Variants in DOCK4 observed in about 807,000 individuals in gnomAD.
DOCK4 encodes the protein dedicator of cytokinesis 4, also known as dedicator of cytokinesis protein 4.
A neutral mutation model predicts 268.1 loss-of-function variants in DOCK4; 97 were observed. The observed-to-expected ratio is 0.36, with a 90% confidence interval of 0.31 to 0.43. The LOEUF is 0.43. Among genes scored for constraint, DOCK4 ranks in the 20% least tolerant of loss-of-function variants. The pLI is 1.00. For synonymous variants in DOCK4, 954 were observed against 887.2 expected (o/e 1.08, Z -1.34); for missense variants, 2,145 against 2,455.7 (o/e 0.87, Z 2.67).
chr7:112,094,818 T>C (rs897316751), intron 1 of DOCK4, among the ~76,000 whole-genome samples: 1 of 152,110 alleles, frequency 6.6e-6, no homozygotes. Flanking sequence ...ATGATAGATA[T>C]GGTCGTTTAA....
At chr7:112,118,185 C>A (rs939405521) in intron 1 of DOCK4, among the ~76,000 whole-genome samples, 1 of 151,268 alleles carries the variant, frequency 6.6e-6, no homozygotes, top group Non-Finnish European at 1.5e-5. Context: ...CCTCTTGAGA[C>A]CTTTTATAAA....
chr7:112,044,264 C>T, intron 1 of DOCK4, among the ~76,000 whole-genome samples: 1 of 152,140 alleles, frequency 6.6e-6, no homozygotes, highest in East Asian at 1.9e-4. Flanking sequence ...CCCCCCATTT[C>T]TGAACTATAT....
chr7:111,925,892 C>A (rs1716987278), intron 12 of DOCK4, among the ~76,000 whole-genome samples: 1 of 151,812 alleles, frequency 6.6e-6, no homozygotes, highest in Non-Finnish European at 1.5e-5. Context: ...TCGAGACTAT[C>A]CTGGCCAACA....
chr7:111,936,968 C>T (rs1281277348), intron 11 of DOCK4, among the ~76,000 whole-genome samples: 1 of 152,180 alleles, frequency 6.6e-6, no homozygotes, highest in Non-Finnish European at 1.5e-5. Flanking sequence ...AGTTGTAAGA[C>T]ACCAAACTGC....
intron 12 of DOCK4, 38 bp from the exon 13 acceptor site, chr7:111,915,942 T>C (rs767831164): frequency 6.3e-7 from 1 of 1,587,870 alleles, no homozygotes; most frequent in Non-Finnish European, 8.6e-7. Context: ...AAAAACAGAA[T>C]AGAAATAGAA....
chr7:111,912,040 C>T (rs559589645), intron 13 of DOCK4, among the ~76,000 whole-genome samples: 1 of 152,304 alleles, frequency 6.6e-6, no homozygotes, highest in East Asian at 1.9e-4. Flanking sequence ...TAGGTCAGGT[C>T]ATCTGAGGAA....
intron 13 of DOCK4, among the ~76,000 whole-genome samples, chr7:111,912,322 T>G (rs867083583): frequency 6.6e-6 from 1 of 152,162 alleles, no homozygotes; most frequent in South Asian, 2.1e-4. Context: ...GTTTTTCCCT[T>G]TTCTTGGTTG....
chr7:112,053,002 A>C (rs76736678), intron 1 of DOCK4, among the ~76,000 whole-genome samples: 4,820 of 152,260 alleles, frequency 0.032, 276 homozygotes, highest in African/African-American at 0.11. Context: ...CAAGTGGAAA[A>C]CCAGTTAAAT....
intron 1 of DOCK4, among the ~76,000 whole-genome samples, chr7:112,049,290 T>C (rs1009850108): frequency 2.0e-5 from 3 of 152,186 alleles, no homozygotes; most frequent in Non-Finnish European, 4.4e-5. Flanking sequence ...TGTAATCTTG[T>C]TATGCTACAT....
Position 111,989,055 on chromosome 7 carries a change from C to A in DOCK4, c.424G>T (p.Val142Leu). The change falls in exon 6 of 53, where the codon GTG becomes TTG. Residue 142 changes from valine (V) to leucine (L), a missense_variant. Physicochemically the swap from Val to Leu is conservative, Grantham distance 32 (BLOSUM62 1). Transcript: ENST00000428084. ...GHLTHDRMKD[V>L]KRHITARLDW... is the part of the protein sequence containing the mutation. Reference sequence around the variant, plus strand: ...AGCCGGGCAGTAATGTGGCGCTTCACGTCCTTCATCCGGTCGTGGGTGAGG... The same window carrying A: ...AGCCGGGCAGTAATGTGGCGCTTCAAGTCCTTCATCCGGTCGTGGGTGAGG... 2 of 1,613,868 alleles carry A rather than the reference C, an allele frequency of 1.2e-6. No homozygotes were observed. The highest frequency in any genetic ancestry group is 1.7e-6 in the Non-Finnish European group (2 of 1,179,822).
intron 1 of DOCK4, among the ~76,000 whole-genome samples, chr7:112,180,265 C>T (rs556993823): frequency 6.6e-6 from 1 of 152,240 alleles, no homozygotes; most frequent in South Asian, 2.1e-4. Flanking sequence ...CAAAACGACT[C>T]TGGAGAACCT....
At chr7:111,818,465 G>A (rs1801726775) in intron 27 of DOCK4, among the ~76,000 whole-genome samples, 1 of 152,248 alleles carries the variant, frequency 6.6e-6, no homozygotes, top group Middle Eastern at 3.4e-3. Flanking sequence ...CTTAGGCCAA[G>A]CATCTAAGGA....
chr7:112,128,622 C>T (rs1813493339), intron 1 of DOCK4, among the ~76,000 whole-genome samples: 1 of 152,280 alleles, frequency 6.6e-6, no homozygotes, highest in African/African-American at 2.4e-5. Flanking sequence ...TACCCCCAAC[C>T]CTGTGCTCTC....
chr7:111,892,359 C>G (rs541990375), intron 16 of DOCK4, among the ~76,000 whole-genome samples: 4 of 152,292 alleles, frequency 2.6e-5, no homozygotes, highest in African/African-American at 9.6e-5. Flanking sequence ...CATGACCACG[C>G]TGGACTAACT....
intron 1 of DOCK4, among the ~76,000 whole-genome samples, chr7:112,041,232 C>G (rs1804328506): frequency 6.6e-6 from 1 of 152,068 alleles, no homozygotes; most frequent in Non-Finnish European, 1.5e-5. Context: ...AGAGGTGAGA[C>G]CCTGAGGTGT....
chr7:111,964,072 AAG>A (rs1389191519), intron 8 of DOCK4, among the ~76,000 whole-genome samples: 1 of 145,768 alleles, frequency 6.9e-6, no homozygotes, highest in Non-Finnish European at 1.5e-5. Flanking sequence ...ACCATCATCA[AAG>A]ACCAAAAGTA....
chr7:111,916,980 G>GTTTTTTTTT lies in DOCK4; in HGVS notation c.1067-1085_1067-1077dup, dbSNP rs749349556. On this transcript the variant is annotated intron_variant, in intron 12 of 52. Transcript: ENST00000428084. ...ACCCACCTCCCACCCTTTCCCCCAT[G>GTTTTTTTTT]TTTTTTTTTTTTTTTTTTTTTTTTT... is the stretch of plus-strand genomic sequence containing the variant. Among the ~76,000 whole-genome samples, 163 of 83,976 alleles carry GTTTTTTTTT rather than the reference G, an allele frequency of 1.9e-3. 17 individuals are homozygous for GTTTTTTTTT. In the East Asian group the frequency reaches 0.027, roughly 14 times the overall value. 55.1% of individuals were successfully genotyped at this position (83,976 alleles called of 152,430 possible). A position where few individuals can be genotyped will look rare whatever the true frequency, so the allele number is the denominator to read the frequency against.
chr7:112,165,073 A>C (rs1370492895), intron 1 of DOCK4, among the ~76,000 whole-genome samples: 1 of 152,182 alleles, frequency 6.6e-6, no homozygotes, highest in Admixed American at 6.6e-5. Context: ...ACATGTGTAC[A>C]AAGTTAACTT....
At chr7:111,983,034 ACT>A (rs545982565) in intron 7 of DOCK4, among the ~76,000 whole-genome samples, 256 of 152,226 alleles carry the variant, frequency 1.7e-3, no homozygotes, top group South Asian at 0.014. Context: ...CATGCCAGAT[ACT>A]CTGTTTAGTA....
Sources: gnomAD v4.1 joint callset for allele counts (sites outside exome capture counted in the v4.1 genomes callset) on GRCh38, gnomAD v4.1.1 for gene constraint, MANE v1.5 for transcripts, NCBI Gene and HGNC (gene_info 2026-07-23, HGNC 2026-07-21) for gene names.